Variants in RAB8B observed in about 807,000 individuals in gnomAD.
The protein encoded by RAB8B is RAB8B, member RAS oncogene family, also known as ras-related protein Rab-8B.
A neutral mutation model predicts 32.0 loss-of-function variants in RAB8B; 11 were observed. That is an observed-to-expected ratio of 0.34 (90% CI 0.22 to 0.57). RAB8B has a LOEUF of 0.57. Among genes scored for constraint, RAB8B ranks in the 20% least tolerant of loss-of-function variants. The probability of loss-of-function intolerance (pLI) is 0.86; values close to 1 mark genes in which losing one functional copy is unlikely to be tolerated. For synonymous variants in RAB8B, 103 were observed against 89.6 expected (o/e 1.15, Z -0.85); for missense variants, 190 against 258.5 (o/e 0.73, Z 1.82).
chr15:63,234,928 AC>A lies in RAB8B; in HGVS notation c.125-9827del, dbSNP rs1215238807. 5.3e-5 allele frequency among the ~76,000 whole-genome samples: 8 copies of A among 151,908 alleles called. No individual in the cohort carries two copies. The East Asian group carries it at 1.4e-3, about 26-fold the overall frequency. ...TCACTTGTCCTTGGTCCAAGTCAAA[AC>A]TCCTTTTCCTCGAGGTGGAGAAGAA... On this transcript the variant is annotated intron_variant, in intron 1 of 7. Transcript: ENST00000321437.
intron 1 of RAB8B, among the ~76,000 whole-genome samples, chr15:63,193,768 G>A (rs1020388620): frequency 1.3e-5 from 2 of 151,726 alleles, no homozygotes; most frequent in African/African-American, 4.8e-5. Flanking sequence ...CTGAGATCGC[G>A]CCACTGCATT....
intron 1 of RAB8B, among the ~76,000 whole-genome samples, chr15:63,214,343 G>A (rs1479250806): frequency 7.1e-6 from 1 of 141,038 alleles, no homozygotes. Context: ...CCATGCTGGA[G>A]TGCAGGGCCA....
chr15:63,231,969 A>G lies in RAB8B; in HGVS notation c.125-12787A>G, dbSNP rs149343621. Among the ~76,000 whole-genome samples the G allele has an allele frequency of 2.1e-3, 324 of 152,354 alleles. 2 individuals are homozygous for G. Among genetic ancestry groups the G allele is most frequent in the Middle Eastern group, 0.014 (4 of 294 alleles). ...TTCCTTTTCAAAGTGCAAGATTTGC[A>G]AAAGAGACTTGTCATGAAGTCTTTT... On this transcript the variant is annotated intron_variant, in intron 1 of 7. Transcript: ENST00000321437.
chr15:63,195,859 G>A (rs1199453317), intron 1 of RAB8B, among the ~76,000 whole-genome samples: 1 of 152,202 alleles, frequency 6.6e-6, no homozygotes, highest in Admixed American at 6.5e-5. Flanking sequence ...CTAAGCTTCA[G>A]AAATGCAAGT....
chr15:63,198,916 T>C (rs2037625526), intron 1 of RAB8B, among the ~76,000 whole-genome samples: 1 of 152,252 alleles, frequency 6.6e-6, no homozygotes, highest in South Asian at 2.1e-4. Context: ...AAAGAGTTTG[T>C]GTTGGGAGAT....
At chr15:63,225,542 C>A (rs2037881460) in intron 1 of RAB8B, among the ~76,000 whole-genome samples, 1 of 152,188 alleles carries the variant, frequency 6.6e-6, no homozygotes, top group African/African-American at 2.4e-5. Context: ...ACAGCAGACA[C>A]TTTCATATCT....
intron 1 of RAB8B, among the ~76,000 whole-genome samples, chr15:63,198,092 A>G (rs1447141417): frequency 6.6e-6 from 1 of 152,120 alleles, no homozygotes; most frequent in Non-Finnish European, 1.5e-5. Context: ...TAAGAACCTG[A>G]AAGGAGGTAG....
chr15:63,212,592 A>G (rs558663701), intron 1 of RAB8B, among the ~76,000 whole-genome samples: 37 of 152,222 alleles, frequency 2.4e-4, no homozygotes, highest in Non-Finnish European at 4.1e-4. Context: ...ATATAACTAG[A>G]TAGGGGAAAG....
rs1414200721 is a variant in RAB8B at position 63,205,100 on chromosome 15, C to T, written c.124+15352C>T. Among the ~76,000 whole-genome samples the T allele has an allele frequency of 3.3e-5, 5 of 152,300 alleles. No individual in the cohort carries two copies. The East Asian group carries it at 7.7e-4, about 23-fold the overall frequency. On this transcript the variant is annotated intron_variant, in intron 1 of 7. Coordinates refer to ENST00000321437, the MANE Select transcript of RAB8B (RefSeq NM_016530.3). ...ATCACCTGAGATCAGGAGTTTGAGA[C>T]CAGCCTGGTCAACATGGTGAAACCC...
At chr15:63,211,825 G>A (rs1002909061) in intron 1 of RAB8B, among the ~76,000 whole-genome samples, 1 of 151,990 alleles carries the variant, frequency 6.6e-6, no homozygotes. Context: ...AACATGAAGA[G>A]CCCTGTGTTT....
chr15:63,243,817 T>G (rs2141135662), intron 1 of RAB8B, among the ~76,000 whole-genome samples: 1 of 152,268 alleles, frequency 6.6e-6, no homozygotes, highest in Non-Finnish European at 1.5e-5. Flanking sequence ...AGAAATTTAT[T>G]TAGCTCATGG....
intron 1 of RAB8B, among the ~76,000 whole-genome samples, chr15:63,217,125 T>C (rs975867031): frequency 1.3e-5 from 2 of 152,132 alleles, no homozygotes; most frequent in Non-Finnish European, 2.9e-5. Context: ...AGATATCTCA[T>C]TAGATAAATC....
intron 5 of RAB8B, among the ~76,000 whole-genome samples, chr15:63,257,282 CAA>C (rs1200962332): frequency 7.0e-6 from 1 of 142,652 alleles, no homozygotes; most frequent in Non-Finnish European, 1.5e-5. Flanking sequence ...TTTTTTGAGA[CAA>C]AGTCTTGCTC....
At chr15:63,255,088 C>T (rs941409698) in intron 3 of RAB8B, among the ~76,000 whole-genome samples, 30 of 152,286 alleles carry the variant, frequency 2.0e-4, no homozygotes, top group Admixed American at 5.9e-4. Context: ...TGGTCTCAAT[C>T]TTAGTAGAAG....
At chr15:63,231,873 T>C (rs1436159114) in intron 1 of RAB8B, among the ~76,000 whole-genome samples, 1 of 152,222 alleles carries the variant, frequency 6.6e-6, no homozygotes, top group Admixed American at 6.5e-5. Flanking sequence ...TCACTGAGAA[T>C]CTCTAAAATC....
chr15:63,223,674 A>C (rs185356641), intron 1 of RAB8B, among the ~76,000 whole-genome samples: 2 of 152,192 alleles, frequency 1.3e-5, no homozygotes, highest in African/African-American at 4.8e-5. Context: ...ACACATGACT[A>C]TACTTGAAGA....
chr15:63,243,439 T>C (rs1270946651), intron 1 of RAB8B, among the ~76,000 whole-genome samples: 1 of 152,242 alleles, frequency 6.6e-6, no homozygotes, highest in Admixed American at 6.5e-5. Context: ...TGATATATGA[T>C]AGAGCTTGCT....
At chr15:63,221,410 A>G (rs2037843239) in intron 1 of RAB8B, among the ~76,000 whole-genome samples, 1 of 152,228 alleles carries the variant, frequency 6.6e-6, no homozygotes, top group Non-Finnish European at 1.5e-5. Context: ...TGCTAGAAGT[A>G]TTATAAGCAA....
intron 6 of RAB8B, among the ~76,000 whole-genome samples, chr15:63,260,023 CG>C (rs1170219586): frequency 2.0e-5 from 3 of 152,054 alleles, no homozygotes; most frequent in Admixed American, 6.6e-5. Context: ...TTAGTAGAAA[CG>C]GGGTTTCACC....
Sources: gnomAD v4.1 joint callset for allele counts (sites outside exome capture counted in the v4.1 genomes callset) on GRCh38, gnomAD v4.1.1 for gene constraint, MANE v1.5 for transcripts, NCBI Gene and HGNC (gene_info 2026-07-23, HGNC 2026-07-21) for gene names.